ADGRD1: variants seen among roughly 807,000 people sequenced by gnomAD.
The protein encoded by ADGRD1 is adhesion G protein-coupled receptor D1.
A neutral mutation model predicts 113.4 loss-of-function variants in ADGRD1; 77 were observed. The ratio of observed to expected loss-of-function variants is 0.68; its 90% CI spans 0.57 to 0.82. The LOEUF (loss-of-function observed/expected upper bound fraction) is 0.82. Among genes scored for constraint, ADGRD1 ranks in the 40% least tolerant of loss-of-function variants. ADGRD1 has a pLI of 0.00. For synonymous variants in ADGRD1, 474 were observed against 475.0 expected (o/e 1.00, Z 0.03); for missense variants, 1,036 against 1,139.1 (o/e 0.91, Z 1.30).
At chr12:131,120,997 G>A in intron 20 of ADGRD1, 84 bp downstream of exon 20, 17 of 1,240,052 alleles carry the variant, frequency 1.4e-5, no homozygotes, top group Non-Finnish European at 2.0e-5. Context: ...ATGGCGGGGG[G>A]CTCCCTGAGG....
chr12:130,962,979 A>G (rs1870534492), intron 2 of ADGRD1: 1 of 152,230 alleles, frequency 6.6e-6, no homozygotes, highest in Non-Finnish European at 1.5e-5. Context: ...TGGCACTTCA[A>G]TTGTGAAAGC....
intron 13 of ADGRD1, 83 bp downstream of exon 13, chr12:131,014,423 T>C: frequency 7.8e-7 from 1 of 1,288,536 alleles, no homozygotes; most frequent in Non-Finnish European, 1.1e-6. Flanking sequence ...TGTGCTTGCA[T>C]AAAGAATCTC....
intron 13 of ADGRD1, among the ~76,000 whole-genome samples, chr12:131,056,949 G>A (rs1345012346): frequency 2.0e-5 from 3 of 152,308 alleles, no homozygotes; most frequent in East Asian, 1.9e-4. Flanking sequence ...TTGTGGAGGC[G>A]TTGATTGTGC....
Position 130,971,644 on chromosome 12 carries a change from C to T in ADGRD1, c.310+64C>T. On this transcript the variant is annotated intron_variant, in intron 4 of 24. Transcript: ENST00000261654. The surrounding 1 kb of genome is among the most constrained non-coding windows in gnomAD (Gnocchi z 4.2). ...TCATTCTCAGGGAGCACCTGCTCCT[C>T]TGGTGACTGGAAGATGTGAACCTGA... is the stretch of plus-strand genomic sequence containing the variant. The T allele has an allele frequency of 1.3e-6, 2 of 1,516,914 alleles. No individual in the cohort carries two copies. Among genetic ancestry groups the T allele is most frequent in the East Asian group, 4.8e-5 (2 of 42,052 alleles). 94.0% of individuals were successfully genotyped at this position (1,516,914 alleles called of 1,614,324 possible).
At chr12:130,996,634 C>G (rs1346259779) in intron 8 of ADGRD1, among the ~76,000 whole-genome samples, 2 of 104,976 alleles carry the variant, frequency 1.9e-5, no homozygotes, top group Admixed American at 8.6e-5. Context: ...ACCTCCCGGA[C>G]GAGGCGGCTG....
chr12:131,092,755 T>C lies in ADGRD1; in HGVS notation c.1671+8092T>C, dbSNP rs1032411457. On this transcript the variant is annotated intron_variant, in intron 15 of 24. Transcript: ENST00000261654. The stretch of plus-strand genomic sequence containing the variant: ...AAAAAGCATTTCAATAGGACGGTCA[T>C]GAACCGTGGTCTGAAGGCTGACTCT... Among the ~76,000 whole-genome samples, 33 of 152,218 alleles carry C rather than the reference T, an allele frequency of 2.2e-4. 1 individual carries two copies. Among genetic ancestry groups the C allele is most frequent in the African/African-American group, 4.8e-4 (20 of 41,462 alleles).
chr12:131,047,750 T>C (rs2137026648), intron 13 of ADGRD1, among the ~76,000 whole-genome samples: 1 of 152,306 alleles, frequency 6.6e-6, no homozygotes. Flanking sequence ...TCAGCATTTC[T>C]TGGAAGACGT....
chr12:131,138,109 C>T, intron 23 of ADGRD1, 28 bp from the exon 24 acceptor site: 1 of 1,597,904 alleles, frequency 6.3e-7, no homozygotes, highest in Non-Finnish European at 8.6e-7. Flanking sequence ...TCTGAAATTG[C>T]TCTCACGATC....
intron 13 of ADGRD1, among the ~76,000 whole-genome samples, chr12:131,017,762 C>T (rs917441760): frequency 6.6e-6 from 1 of 151,348 alleles, no homozygotes; most frequent in Non-Finnish European, 1.5e-5. Context: ...CACACATACC[C>T]AGTGCTCACA....
At chr12:130,977,182 G>A (rs1340562321) in intron 4 of ADGRD1, 5 of 152,310 alleles carry the variant, frequency 3.3e-5, no homozygotes, top group Non-Finnish European at 5.9e-5. Context: ...GCATTTTCCA[G>A]TTTTCCTCAG....
chr12:130,962,665 ACTGAAGTCAGGC>A (rs1870498992), intron 2 of ADGRD1: 1 of 152,234 alleles, frequency 6.6e-6, no homozygotes, highest in Admixed American at 6.5e-5. Flanking sequence ...CTGGAAATCA[ACTGAAGTCAGGC>A]CTTACTTTCT....
chr12:131,131,639 T>C, intron 20 of ADGRD1, 86 bp from the exon 21 acceptor site: 4 of 889,034 alleles, frequency 4.5e-6, no homozygotes, highest in Non-Finnish European at 7.3e-6. Context: ...GGGTAGCCTG[T>C]GGTGAGGGCA....
rs1473457405 is a variant in ADGRD1 at position 130,984,444 on chromosome 12, G to T, written c.490+2381G>T. 6.6e-6 allele frequency among the ~76,000 whole-genome samples: 1 copy of T among 152,248 alleles called. No homozygotes were observed. Among genetic ancestry groups the T allele is most frequent in the East Asian group, 1.9e-4 (1 of 5,186 alleles). On this transcript the variant is annotated intron_variant, in intron 5 of 24. Transcript: ENST00000261654. This position sits in a 1 kb window ranked among gnomAD's most constrained non-coding sequence, Gnocchi z 4.1. ...ACTGGGTTGGTGGGCGCCATGGAGT[G>T]CCTGTATTGCTGTTAGATTTTAATA...
rs1950290900 is a variant in ADGRD1, at chr12:131,108,867, G to C, written c.2031G>C (p.Gly677=). 7.8e-7 allele frequency: 1 copy of C among 1,279,064 alleles called. No individual in the cohort carries two copies. The highest frequency in any genetic ancestry group is 1.2e-5 in the South Asian group (1 of 85,088). 79.2% of individuals were successfully genotyped at this position (1,279,064 alleles called of 1,614,324 possible). ...ACAGCAAGCACCGTTACTACTATGG[G>C]ATGGGATGGGGTAGGTGGGGCAGGG... The part of the protein sequence containing the change: ...SEDSKHRYYY[G]MGWGFPLLIC... Residue 677 remains glycine, a synonymous_variant, in exon 18 of 25, where the codon GGG becomes GGC. Coordinates refer to ENST00000261654, the MANE Select transcript of ADGRD1 (RefSeq NM_198827.5).
At chr12:131,039,136 G>A (rs891312186) in intron 13 of ADGRD1, among the ~76,000 whole-genome samples, 3 of 151,978 alleles carry the variant, frequency 2.0e-5, no homozygotes, top group Non-Finnish European at 2.9e-5. Flanking sequence ...TGCTCCTCCA[G>A]GCCACTGCCC....
intron 13 of ADGRD1, among the ~76,000 whole-genome samples, chr12:131,047,312 C>T (rs913428621): frequency 6.6e-6 from 1 of 152,188 alleles, no homozygotes; most frequent in Non-Finnish European, 1.5e-5. Context: ...AGGTGATCCA[C>T]GGCGAGGAGA....
In ADGRD1 at chr12:131,009,480, T is replaced by C. The variant is rs57567067; in HGVS notation, c.1331+3433T>C. On this transcript the variant is annotated intron_variant, in intron 12 of 24. Coordinates refer to ENST00000261654, the MANE Select transcript of ADGRD1 (RefSeq NM_198827.5). ...ACTCTGGACTGTGCATTAGAGCATC[T>C]TGTAGGGTCCTCGTTAAATTTCTGA... Among the ~76,000 whole-genome samples, 444 of 152,308 alleles carry C rather than the reference T, an allele frequency of 2.9e-3. 2 individuals carry two copies. Among genetic ancestry groups the C allele is most frequent in the African/African-American group, 0.01 (418 of 41,572 alleles).
In ADGRD1 at chr12:130,984,187, G is replaced by A. The variant is rs1407452402; in HGVS notation, c.490+2124G>A. Among the ~76,000 whole-genome samples, 2 of 152,142 alleles carry A rather than the reference G, an allele frequency of 1.3e-5. No individual in the cohort carries two copies. Among genetic ancestry groups the A allele is most frequent in the African/African-American group, 4.8e-5 (2 of 41,440 alleles). On this transcript the variant is annotated intron_variant, in intron 5 of 24. Transcript: ENST00000261654. The surrounding 1 kb of genome is among the most constrained non-coding windows in gnomAD (Gnocchi z 4.1). ...AGTTTGTAAGAAAAATATTTGGAAT[G>A]ATTTACGATCATTAGTTATGATTTT...
At chr12:131,107,552 A>T (rs1732820) in intron 17 of ADGRD1, among the ~76,000 whole-genome samples, 131,282 of 150,352 alleles carry the variant, frequency 0.87, 57,827 homozygotes, top group Non-Finnish European at 0.93. Flanking sequence ...GACCTGGGTC[A>T]GAATCCCAGG....
Sources: allele counts gnomAD v4.1 joint callset (sites outside exome capture counted in the v4.1 genomes callset), GRCh38; gene constraint gnomAD v4.1.1; non-coding constraint Gnocchi (gnomAD v3.1); transcripts MANE v1.5; gene names NCBI Gene and HGNC (gene_info 2026-07-23, HGNC 2026-07-21).